The following DMXL1 variants were observed in gnomAD, a reference collection of about 807,000 sequenced individuals.
The protein encoded by DMXL1 is Dmx like 1.
DMXL1 carries 99 observed loss-of-function variants against 319.2 expected under a neutral mutation model. The ratio of observed to expected loss-of-function variants is 0.31; its 90% CI spans 0.26 to 0.37. DMXL1 has a LOEUF of 0.37. Ranked by LOEUF, DMXL1 falls within the 10% of genes least tolerant of loss-of-function variation. The pLI is 1.00. For synonymous variants in DMXL1, 1,385 were observed against 1,235.2 expected, an observed-to-expected ratio of 1.12 and a Z score of -2.54; for missense variants, 3,745 against 3,595.6, an observed-to-expected ratio of 1.04 and a Z score of -1.06.
Position 119,178,251 on chromosome 5 carries a change from T to C in DMXL1, c.7135+7T>C, listed in dbSNP as rs1776180961. The C allele has an allele frequency of 5.6e-6, 9 of 1,608,744 alleles. No individual in the cohort carries two copies. Among genetic ancestry groups the C allele is most frequent in the Non-Finnish European group, 7.6e-6 (9 of 1,177,404 alleles). ...CATTCAAAAACTTTACCTGGTGAGT[T>C]TAAAAAATTTTTTTAGGACTGAAGC... On this transcript the variant is annotated splice_region_variant and intron_variant, in intron 28 of 43. Transcript: ENST00000539542.
At chr5:119,110,392 T>A (rs1009847546) in intron 5 of DMXL1, 109 bp downstream of exon 5, 3 of 1,034,426 alleles carry the variant, frequency 2.9e-6, no homozygotes, top group African/African-American at 3.4e-5. Context: ...AGTATTGATT[T>A]TTAGTCTATG....
intron 7 of DMXL1, among the ~76,000 whole-genome samples, chr5:119,118,379 TGTG>T (rs1418345691): frequency 2.0e-5 from 3 of 152,178 alleles, no homozygotes; most frequent in Non-Finnish European, 4.4e-5. Context: ...TATTAGAAGA[TGTG>T]GTTATTTCTT....
intron 28 of DMXL1, chr5:119,178,485 A>G (rs1294497887): frequency 2.3e-6 from 1 of 435,440 alleles, no homozygotes; most frequent in Non-Finnish European, 3.1e-6. Flanking sequence ...TAAATATTTT[A>G]CTACTGAAAC....
intron 29 of DMXL1, among the ~76,000 whole-genome samples, chr5:119,192,387 T>C (rs1481812922): frequency 6.6e-6 from 1 of 152,190 alleles, no homozygotes; most frequent in Non-Finnish European, 1.5e-5. Flanking sequence ...AAATGTGCTT[T>C]AGTATCTCCC....
At chr5:119,134,204 T>C (rs758888535) in intron 12 of DMXL1, 26 bp downstream of exon 12, 1 of 1,606,572 alleles carries the variant, frequency 6.2e-7, no homozygotes, top group African/African-American at 1.3e-5. Context: ...TTTATTACAG[T>C]AATTTAGATT....
rs142041499 is a variant in DMXL1 at position 119,171,116 on chromosome 5, G to C, written c.6325G>C (p.Val2109Leu). 28 of 1,613,912 alleles carry C rather than the reference G, an allele frequency of 1.7e-5. No homozygotes were observed. The highest frequency in any genetic ancestry group is 2.2e-5 in the Non-Finnish European group (26 of 1,179,882). The change falls in exon 24 of 44, where the codon GTG (valine) becomes CTG (leucine). Residue 2109 changes from valine (V) to leucine (L), a missense_variant. Val to Leu is a conservative substitution (Grantham distance 32). This residue lies in a region of DMXL1 where 1,382 missense variants were observed against 1,269.5 expected (regional missense o/e 1.09). Coordinates refer to ENST00000539542, the MANE Select transcript of DMXL1 (RefSeq NM_001290321.3). Reference sequence around the variant, plus strand: ...TGAAGATTTGCCTCACCAAACAAAAGTGAAACAACTGAGAGAAAATTTTCA... The same window carrying C: ...TGAAGATTTGCCTCACCAAACAAAACTGAAACAACTGAGAGAAAATTTTCA... ...DAEDLPHQTK[V>L]KQLRENFQEK...
chr5:119,201,481 G>A (rs1780699674), intron 32 of DMXL1, among the ~76,000 whole-genome samples: 1 of 152,112 alleles, frequency 6.6e-6, no homozygotes, highest in South Asian at 2.1e-4. Context: ...GTATTTTGTT[G>A]AGGATTTTTG....
rs1204757721 is a variant in DMXL1, at chr5:119,196,468, C to T, written c.7543+12C>T. 30 of 1,578,682 alleles carry T rather than the reference C, an allele frequency of 1.9e-5. No homozygotes were observed. Among genetic ancestry groups the T allele is most frequent in the Non-Finnish European group, 2.6e-5 (30 of 1,150,090 alleles). The stretch of plus-strand genomic sequence containing the variant: ...TCATGATCTTGCAGGTAATAAATAG[C>T]TCAACATGAGCTAATGGTGCCATTG... On this transcript the variant is annotated intron_variant, in intron 31 of 43. Coordinates refer to ENST00000539542, the MANE Select transcript of DMXL1 (RefSeq NM_001290321.3).
intron 38 of DMXL1, among the ~76,000 whole-genome samples, chr5:119,228,634 T>G (rs909647499): frequency 2.0e-5 from 3 of 152,178 alleles, no homozygotes; most frequent in Non-Finnish European, 4.4e-5. Context: ...CATTCTTCTT[T>G]TTAGAGGGAG....
intron 9 of DMXL1, among the ~76,000 whole-genome samples, chr5:119,126,298 G>A (rs1422454933): frequency 6.6e-6 from 1 of 151,984 alleles, no homozygotes; most frequent in African/African-American, 2.4e-5. Context: ...ATAAAATAAG[G>A]TAAAATAAAA....
chr5:119,215,410 T>G (rs900022837), intron 34 of DMXL1, among the ~76,000 whole-genome samples: 1 of 152,094 alleles, frequency 6.6e-6, no homozygotes, highest in Non-Finnish European at 1.5e-5. Flanking sequence ...TGGGTTCAAG[T>G]GATTCTCGTG....
chr5:119,122,275 A>C (rs1485174971), intron 9 of DMXL1, among the ~76,000 whole-genome samples: 8 of 94,962 alleles, frequency 8.4e-5, no homozygotes, highest in African/African-American at 1.7e-4. Context: ...CGACCACCCC[A>C]CCTCCCTCCC....
chr5:119,157,466 T>G (rs1285673575), intron 19 of DMXL1, among the ~76,000 whole-genome samples: 1 of 152,220 alleles, frequency 6.6e-6, no homozygotes, highest in Non-Finnish European at 1.5e-5. Context: ...GTCTTATGCT[T>G]AAGTATTTAA....
chr5:119,151,599 G>T (rs1040068029), intron 18 of DMXL1, among the ~76,000 whole-genome samples: 1 of 152,054 alleles, frequency 6.6e-6, no homozygotes, highest in Non-Finnish European at 1.5e-5. Context: ...CGAACAAACT[G>T]TATTGGTTAA....
Position 119,105,227 on chromosome 5 carries a change from A to G in DMXL1, c.333A>G (p.Ser111=), listed in dbSNP as rs1473558795. 1 of 1,613,282 alleles carries G rather than the reference A, an allele frequency of 6.2e-7. No individual in the cohort carries two copies. The highest frequency in any genetic ancestry group is 1.1e-5 in the South Asian group (1 of 91,044). The part of the protein sequence containing the change: ...WQKSGQFFLE[S]IAHNITWDPT... ...AAAGTGGCCAATTTTTTCTGGAATCAATAGCACACAATATAACCTGGGATC... is the reference window on the plus strand; with the variant it reads ...AAAGTGGCCAATTTTTTCTGGAATCGATAGCACACAATATAACCTGGGATC... Residue 111 remains serine (S), a synonymous_variant, in exon 4 of 44, where the codon TCA becomes TCG. Transcript: ENST00000539542.
chr5:119,175,380 A>G (rs1775599997), intron 26 of DMXL1, 43 bp downstream of exon 26: 4 of 1,405,630 alleles, frequency 2.8e-6, no homozygotes, highest in Non-Finnish European at 4.0e-6. Flanking sequence ...TACAGTAAGC[A>G]ATGAGGTTTC....
At chr5:119,221,299 A>G (rs1295778852) in intron 37 of DMXL1, among the ~76,000 whole-genome samples, 1 of 152,218 alleles carries the variant, frequency 6.6e-6, no homozygotes, top group Non-Finnish European at 1.5e-5. Context: ...TTGAAAACCA[A>G]AGAGCTATAT....
intron 32 of DMXL1, among the ~76,000 whole-genome samples, chr5:119,202,889 A>ATATATATATATATATATATT (rs1781040088): frequency 6.4e-5 from 9 of 141,440 alleles, no homozygotes; most frequent in African/African-American, 2.4e-4. Flanking sequence ...ATATTTTTAT[A>ATATATATATATATATATATT]TATATATATA....
intron 1 of DMXL1, among the ~76,000 whole-genome samples, chr5:119,084,836 C>T (rs1279937079): frequency 6.7e-6 from 1 of 149,918 alleles, no homozygotes. Context: ...TGCACTCCAC[C>T]CTGGGCAACA....
Sources: allele counts gnomAD v4.1 joint callset (sites outside exome capture counted in the v4.1 genomes callset), GRCh38; gene constraint gnomAD v4.1.1; regional missense constraint gnomAD v4.1.1; transcripts MANE v1.5; gene names NCBI Gene and HGNC (gene_info 2026-07-23, HGNC 2026-07-21).